Variants in ARHGAP24 observed in about 807,000 individuals in gnomAD.
The protein encoded by ARHGAP24 is Rho GTPase activating protein 24, also known as rho GTPase-activating protein 24.
ARHGAP24 carries 50 observed loss-of-function variants against 76.4 expected under a neutral mutation model. That is an observed-to-expected ratio of 0.65 (90% CI 0.52 to 0.83). The LOEUF (loss-of-function observed/expected upper bound fraction) is 0.83. Ranked by LOEUF, ARHGAP24 falls within the 40% of genes least tolerant of loss-of-function variation. The pLI is 0.00. For synonymous variants in ARHGAP24, 345 were observed against 323.3 expected, an observed-to-expected ratio of 1.07 and a Z score of -0.72; for missense variants, 930 against 914.2, an observed-to-expected ratio of 1.02 and a Z score of -0.22.
chr4:85,883,357 C>T (rs777581706), intron 3 of ARHGAP24, among the ~76,000 whole-genome samples: 18 of 152,232 alleles, frequency 1.2e-4, no homozygotes, highest in South Asian at 2.1e-4. Context: ...ACTTGGGTTG[C>T]TTGTAAAATA....
chr4:85,607,462 G>A (rs1164374289), intron 2 of ARHGAP24, among the ~76,000 whole-genome samples: 1 of 151,788 alleles, frequency 6.6e-6, no homozygotes, highest in Non-Finnish European at 1.5e-5. Flanking sequence ...CACTTCACTG[G>A]TATCAGGTCA....
At chr4:85,597,474 G>A (rs1370943863) in intron 2 of ARHGAP24, among the ~76,000 whole-genome samples, 2 of 152,012 alleles carry the variant, frequency 1.3e-5, no homozygotes, top group African/African-American at 4.8e-5. Context: ...AAAAGGGTGA[G>A]GGGTAAGGTG....
intron 3 of ARHGAP24, among the ~76,000 whole-genome samples, chr4:85,749,122 C>T (rs777374845): frequency 4.6e-5 from 7 of 152,278 alleles, no homozygotes; most frequent in South Asian, 4.1e-4. Flanking sequence ...GACTAATCAG[C>T]TATGGCATCA....
intron 3 of ARHGAP24, among the ~76,000 whole-genome samples, chr4:85,858,381 C>A (rs766803740): frequency 6.6e-6 from 1 of 152,060 alleles, no homozygotes. Context: ...GTAGTGTTTT[C>A]CATCATTTCA....
chr4:85,792,707 C>A (rs969568370), intron 3 of ARHGAP24, among the ~76,000 whole-genome samples: 2 of 152,076 alleles, frequency 1.3e-5, no homozygotes, highest in Non-Finnish European at 2.9e-5. Flanking sequence ...GCTTTATTTT[C>A]TCAGGAAATA....
At position 85,934,928 on chromosome 4, in the gene ARHGAP24, C is replaced by A. The variant is rs550775035; in HGVS notation, c.392-7138C>A. 1.0e-3 allele frequency among the ~76,000 whole-genome samples: 157 copies of A among 151,426 alleles called. 1 individual carries two copies. The highest frequency in any genetic ancestry group is 0.01 in the Middle Eastern group (3 of 292). Reference sequence around the variant, plus strand: ...ACACATGCACATATGCGTGCACATACACACACACACACATATTCATTCCCA... The same window carrying A: ...ACACATGCACATATGCGTGCACATAAACACACACACACATATTCATTCCCA... On this transcript the variant is annotated intron_variant, in intron 4 of 9. Transcript: ENST00000395184.
rs6836392 is a variant in ARHGAP24, at chr4:85,599,671, A to T, written c.180+28950A>T. ...AATACACATGAATTGCTATTAAATT[A>T]TTTTTTTTTTGTATTATATGTAACA... On this transcript the variant is annotated intron_variant, in intron 2 of 9. Coordinates refer to ENST00000395184, the MANE Select transcript of ARHGAP24 (RefSeq NM_001025616.3). Among the ~76,000 whole-genome samples the T allele has an allele frequency of 9.2e-3, 1,394 of 151,838 alleles. 25 individuals carry two copies. Among genetic ancestry groups the T allele is most frequent in the African/African-American group, 0.032 (1,316 of 41,444 alleles).
intron 3 of ARHGAP24, among the ~76,000 whole-genome samples, chr4:85,850,139 C>G (rs1029813825): frequency 2.0e-5 from 3 of 152,098 alleles, no homozygotes; most frequent in Admixed American, 6.6e-5. Context: ...TGTTATTGGT[C>G]TATTCAGGGA....
chr4:85,853,111 G>A (rs941082214), intron 3 of ARHGAP24, among the ~76,000 whole-genome samples: 1 of 152,230 alleles, frequency 6.6e-6, no homozygotes, highest in African/African-American at 2.4e-5. Context: ...CAAGCCTTGT[G>A]GTGCTGTGGT....
intron 1 of ARHGAP24, among the ~76,000 whole-genome samples, chr4:85,554,265 C>T (rs1249503289): frequency 6.6e-6 from 1 of 152,138 alleles, no homozygotes; most frequent in Non-Finnish European, 1.5e-5. Flanking sequence ...CTGGGAGACT[C>T]TGATGATTCT....
At chr4:85,525,715 T>C (rs1724963174) in intron 1 of ARHGAP24, among the ~76,000 whole-genome samples, 1 of 152,126 alleles carries the variant, frequency 6.6e-6, no homozygotes, top group South Asian at 2.1e-4. Context: ...GAAGAGATGA[T>C]ATGGCATGGC....
intron 5 of ARHGAP24, among the ~76,000 whole-genome samples, chr4:85,954,854 C>G (rs1329354221): frequency 6.6e-6 from 1 of 152,020 alleles, no homozygotes. Flanking sequence ...CTAAAAAATA[C>G]AAAAAATTAG....
At chr4:85,503,659 A>G (rs374687786) in intron 1 of ARHGAP24, among the ~76,000 whole-genome samples, 4 of 152,202 alleles carry the variant, frequency 2.6e-5, no homozygotes, top group South Asian at 2.1e-4. Flanking sequence ...GAAATTTTTG[A>G]AAAACCAGCT....
intron 1 of ARHGAP24, among the ~76,000 whole-genome samples, chr4:85,563,878 G>C (rs1726695613): frequency 6.6e-6 from 1 of 152,144 alleles, no homozygotes; most frequent in African/African-American, 2.4e-5. Context: ...AAAAATGCTT[G>C]TTATGTCATT....
At chr4:85,580,137 G>C (rs1004501746) in intron 2 of ARHGAP24, among the ~76,000 whole-genome samples, 2 of 146,554 alleles carry the variant, frequency 1.4e-5, no homozygotes, top group East Asian at 2.5e-4. Flanking sequence ...TGTGTGTGGT[G>C]GGGGGGGAGG....
In ARHGAP24 at chr4:85,496,897, G is replaced by A. The variant is rs1255467173; in HGVS notation, c.-21+21338G>A. Among the ~76,000 whole-genome samples the A allele has an allele frequency of 4.6e-5, 7 of 152,298 alleles. No homozygotes were observed. The East Asian group carries it at 1.3e-3, about 29-fold the overall frequency. On this transcript the variant is annotated intron_variant, in intron 1 of 9. Transcript: ENST00000395184. ...CCGCCAACAAAATACAGAGAAATGAGTATGAAATTTAGGAATGAACCAAAA... is the reference window on the plus strand; with the variant it reads ...CCGCCAACAAAATACAGAGAAATGAATATGAAATTTAGGAATGAACCAAAA...
At chr4:85,583,733 A>C (rs1727710104) in intron 2 of ARHGAP24, among the ~76,000 whole-genome samples, 2 of 150,558 alleles carry the variant, frequency 1.3e-5, no homozygotes, top group Non-Finnish European at 2.9e-5. Flanking sequence ...AATGAACTCA[A>C]ACAAATTTAC....
intron 5 of ARHGAP24, among the ~76,000 whole-genome samples, chr4:85,945,624 G>A (rs999618084): frequency 1.3e-5 from 2 of 151,812 alleles, no homozygotes; most frequent in Non-Finnish European, 2.9e-5. Flanking sequence ...GCCAGGCATG[G>A]TGGCAAGCAC....
chr4:85,824,906 A>G (rs1199795151), intron 3 of ARHGAP24, among the ~76,000 whole-genome samples: 1 of 152,114 alleles, frequency 6.6e-6, no homozygotes, highest in African/African-American at 2.4e-5. Flanking sequence ...CCTTGCCAAC[A>G]TGGAGAAACC....
Sources: gnomAD v4.1 joint callset for allele counts (sites outside exome capture counted in the v4.1 genomes callset) on GRCh38, gnomAD v4.1.1 for gene constraint, MANE v1.5 for transcripts, NCBI Gene and HGNC (gene_info 2026-07-23, HGNC 2026-07-21) for gene names.